Variants in PPP2R2C observed in about 807,000 individuals in gnomAD.
The protein encoded by PPP2R2C is protein phosphatase 2 regulatory subunit Bgamma.
In PPP2R2C, 10 loss-of-function variants were observed where a neutral mutation model predicts 45.3. The observed-to-expected ratio is 0.22, with a 90% CI of 0.14 to 0.37. PPP2R2C has a LOEUF of 0.37. Among genes scored for constraint, PPP2R2C ranks in the 10% least tolerant of loss-of-function variants. The pLI is 1.00. For synonymous variants in PPP2R2C, 257 were observed against 245.4 expected, an observed-to-expected ratio of 1.05 and a Z score of -0.44; for missense variants, 308 against 619.7, an observed-to-expected ratio of 0.50 and a Z score of 5.34.
At chr4:6,470,899 C>A (rs1256063742) in intron 1 of PPP2R2C, among the ~76,000 whole-genome samples, 1 of 151,852 alleles carries the variant, frequency 6.6e-6, no homozygotes, top group Non-Finnish European at 1.5e-5. Context: ...CGCAGCCTCC[C>A]TCCGCCCAGG....
At chr4:6,445,648 G>A (rs1188698308) in intron 1 of PPP2R2C, among the ~76,000 whole-genome samples, 2 of 152,256 alleles carry the variant, frequency 1.3e-5, no homozygotes, top group Non-Finnish European at 2.9e-5. Flanking sequence ...GAGTCTAGGA[G>A]TTTGAGGCTG....
chr4:6,327,807 T>G (rs575697030), intron 8 of PPP2R2C, among the ~76,000 whole-genome samples: 2 of 152,294 alleles, frequency 1.3e-5, no homozygotes, highest in South Asian at 4.2e-4. Flanking sequence ...GCCAGCCCCT[T>G]GCCTGAGCTC....
At chr4:6,370,429 G>A (rs982704221) in intron 5 of PPP2R2C, among the ~76,000 whole-genome samples, 4 of 152,162 alleles carry the variant, frequency 2.6e-5, no homozygotes, top group Admixed American at 6.5e-5. Flanking sequence ...CTAGGAGACC[G>A]CCCCTCCCCC....
rs534318157 is a variant in PPP2R2C at position 6,339,083 on chromosome 4, A to C, written c.791-5352T>G. On this transcript the variant is annotated intron_variant, in intron 6 of 8. Coordinates refer to ENST00000382599, the MANE Select transcript of PPP2R2C (RefSeq NM_020416.4). ...CATTTTTAGCTGGTCTTTCTTACCA[A>C]CTCCTATACATCCTCTAGAACCCCA... Among the ~76,000 whole-genome samples the C allele has an allele frequency of 5.3e-5, 8 of 152,114 alleles. No homozygotes were observed. The Middle Eastern group carries it at 0.014, about 259-fold the overall frequency.
intron 2 of PPP2R2C, among the ~76,000 whole-genome samples, chr4:6,487,890 G>T (rs1470609865): frequency 2.0e-5 from 3 of 151,920 alleles, no homozygotes; most frequent in East Asian, 3.9e-4. Context: ...GAAAGTCTCT[G>T]TTTCTTTTTA....
chr4:6,558,231 AG>A (rs1359036954), intron 1 of PPP2R2C, among the ~76,000 whole-genome samples: 3 of 152,198 alleles, frequency 2.0e-5, no homozygotes, highest in African/African-American at 7.2e-5. Flanking sequence ...GTTCTCCATA[AG>A]TGCCAGCTAA....
intron 6 of PPP2R2C, among the ~76,000 whole-genome samples, chr4:6,334,901 G>A (rs55914024): frequency 0.059 from 9,014 of 152,120 alleles, 880 homozygotes; most frequent in African/African-American, 0.2. Flanking sequence ...ACAAGGGCTC[G>A]TGTCCTGCCT....
chr4:6,347,664 G>T (rs1222933692), intron 6 of PPP2R2C, among the ~76,000 whole-genome samples, 182 bp downstream of exon 6: 1 of 152,110 alleles, frequency 6.6e-6, no homozygotes, highest in Non-Finnish European at 1.5e-5. Context: ...GGGGCAGCAG[G>T]TGGCAAGACC....
At chr4:6,549,399 C>T (rs540121948) in intron 1 of PPP2R2C, among the ~76,000 whole-genome samples, 15 of 152,238 alleles carry the variant, frequency 9.9e-5, no homozygotes, top group Admixed American at 5.9e-4. Flanking sequence ...GAGGGTGGTC[C>T]GGGGAGGCCT....
intron 1 of PPP2R2C, among the ~76,000 whole-genome samples, chr4:6,388,020 C>T (rs1364789364): frequency 6.6e-6 from 1 of 152,316 alleles, no homozygotes; most frequent in African/African-American, 2.4e-5. Flanking sequence ...CACTGCAGGG[C>T]CTGGAGCTGC....
chr4:6,449,151 G>C (rs1314609173), intron 1 of PPP2R2C, among the ~76,000 whole-genome samples: 2 of 152,164 alleles, frequency 1.3e-5, no homozygotes, highest in South Asian at 2.1e-4. Context: ...CCCATCCTCT[G>C]ACTCTCCAAG....
chr4:6,398,133 T>A (rs991724030), intron 1 of PPP2R2C, among the ~76,000 whole-genome samples: 2 of 152,228 alleles, frequency 1.3e-5, no homozygotes, highest in Admixed American at 6.5e-5. Context: ...AAATGCATCA[T>A]CTACCTAAAC....
chr4:6,536,796 C>T (rs754923413), intron 1 of PPP2R2C, among the ~76,000 whole-genome samples: 5 of 152,228 alleles, frequency 3.3e-5, no homozygotes, highest in Non-Finnish European at 7.3e-5. Context: ...TATTGGTAAA[C>T]GACATACATG....
At chr4:6,513,315 G>A (rs1195635375) in intron 2 of PPP2R2C, among the ~76,000 whole-genome samples, 1 of 152,204 alleles carries the variant, frequency 6.6e-6, no homozygotes, top group Non-Finnish European at 1.5e-5. Context: ...TCAGTCCAAA[G>A]AGTGGGCACA....
In PPP2R2C at chr4:6,331,746, C is replaced by T. The variant is rs1732425576; in HGVS notation, c.960+1816G>A. Among the ~76,000 whole-genome samples, 1 of 152,170 alleles carries T rather than the reference C, an allele frequency of 6.6e-6. No individual in the cohort carries two copies. The highest frequency in any genetic ancestry group is 1.5e-5 in the Non-Finnish European group (1 of 68,032). ...AAACCAACGCCCAAATGATGGTGGA[C>T]TGGATCACAGAAGGAACCACTGTGG... On this transcript the variant is annotated intron_variant, in intron 7 of 8. Transcript: ENST00000382599. This position sits in a 1 kb window ranked among gnomAD's most constrained non-coding sequence, Gnocchi z 5.9.
intron 1 of PPP2R2C, among the ~76,000 whole-genome samples, chr4:6,443,810 A>G (rs577462778): frequency 4.8e-5 from 7 of 144,470 alleles, no homozygotes; most frequent in Non-Finnish European, 7.5e-5. Flanking sequence ...CATCTGGTCC[A>G]AGGGCTGCAA....
chr4:6,351,294 C>G (rs1712529095), intron 5 of PPP2R2C: 2 of 833,638 alleles, frequency 2.4e-6, no homozygotes, highest in African/African-American at 1.8e-5. Context: ...GACTGGGTGA[C>G]AGAGCAAGAC....
chr4:6,325,705 C>A (rs1167375250), intron 8 of PPP2R2C, among the ~76,000 whole-genome samples: 1 of 152,154 alleles, frequency 6.6e-6, no homozygotes, highest in Non-Finnish European at 1.5e-5. Flanking sequence ...GAGCACCAGG[C>A]CGCACCACCA....
intron 1 of PPP2R2C, among the ~76,000 whole-genome samples, chr4:6,401,515 A>T (rs1365565698): frequency 6.6e-6 from 1 of 152,022 alleles, no homozygotes; most frequent in Non-Finnish European, 1.5e-5. Context: ...AGCCTTCCAG[A>T]GACCAAGGGC....
Sources: gnomAD v4.1 joint callset for allele counts (sites outside exome capture counted in the v4.1 genomes callset) on GRCh38, gnomAD v4.1.1 for gene constraint, Gnocchi (gnomAD v3.1) non-coding constraint, MANE v1.5 for transcripts, NCBI Gene and HGNC (gene_info 2026-07-23, HGNC 2026-07-21) for gene names.